The following RABL3 variants were observed in gnomAD, a reference collection of about 807,000 sequenced individuals.
RABL3 encodes RAB, member of RAS oncogene family like 3.
In RABL3, 31 loss-of-function variants were observed where a neutral mutation model predicts 31.8. The observed-to-expected ratio is 0.97, with a 90% CI of 0.73 to 1.31. The LOEUF (loss-of-function observed/expected upper bound fraction) is 1.31. Ranked by LOEUF, RABL3 falls within the 40% of genes most tolerant of loss-of-function variation. The pLI is 0.00. For synonymous variants in RABL3, 97 were observed against 99.9 expected, an observed-to-expected ratio of 0.97 and a Z score of 0.18; for missense variants, 263 against 279.6, an observed-to-expected ratio of 0.94 and a Z score of 0.42.
intron 3 of RABL3, 99 bp downstream of exon 3, chr3:120,709,681 T>C (rs992206031): frequency 1.1e-6 from 1 of 892,186 alleles, no homozygotes; most frequent in African/African-American, 1.7e-5. Context: ...ATTATATCTT[T>C]CTCAAATTAA....
At chr3:120,736,916 C>T (rs1441712717) in intron 1 of RABL3, among the ~76,000 whole-genome samples, 2 of 152,140 alleles carry the variant, frequency 1.3e-5, no homozygotes, top group East Asian at 1.9e-4. Flanking sequence ...ATGGGCTTCC[C>T]TTTGTGGGTA....
intron 2 of RABL3, among the ~76,000 whole-genome samples, chr3:120,720,771 A>G (rs1308781562): frequency 6.6e-6 from 1 of 152,274 alleles, no homozygotes; most frequent in Non-Finnish European, 1.5e-5. Flanking sequence ...GCAGGATATT[A>G]TCTAGGAGAA....
intron 2 of RABL3, among the ~76,000 whole-genome samples, chr3:120,719,964 C>A (rs1279046004): frequency 1.3e-5 from 2 of 152,178 alleles, no homozygotes; most frequent in Non-Finnish European, 2.9e-5. Context: ...CCTCACACGG[C>A]CAGGTACTCC....
intron 1 of RABL3, among the ~76,000 whole-genome samples, chr3:120,733,961 G>A (rs1391632845): frequency 6.6e-6 from 1 of 152,204 alleles, no homozygotes; most frequent in Admixed American, 6.5e-5. Flanking sequence ...CAGCCTTGTA[G>A]TGTAGTTTGA....
At chr3:120,731,994 G>A (rs1398175386) in intron 1 of RABL3, among the ~76,000 whole-genome samples, 9 of 152,168 alleles carry the variant, frequency 5.9e-5, no homozygotes, top group Non-Finnish European at 1.3e-4. Flanking sequence ...AGGAGTTGGA[G>A]GCTGCAGTGA....
At chr3:120,701,707 A>G (rs886970700) in intron 4 of RABL3, among the ~76,000 whole-genome samples, 1 of 152,176 alleles carries the variant, frequency 6.6e-6, no homozygotes, top group Non-Finnish European at 1.5e-5. Context: ...ACATATATAT[A>G]CTCAAACTTA....
intron 1 of RABL3, among the ~76,000 whole-genome samples, chr3:120,731,714 TTTA>T (rs1412776206): frequency 6.6e-6 from 1 of 152,158 alleles, no homozygotes; most frequent in Non-Finnish European, 1.5e-5. Flanking sequence ...GAACCTATTG[TTTA>T]TTTTTTATTA....
intron 2 of RABL3, among the ~76,000 whole-genome samples, chr3:120,729,966 A>T (rs1296783300): frequency 6.6e-6 from 1 of 151,572 alleles, no homozygotes; most frequent in Non-Finnish European, 1.5e-5. Flanking sequence ...ATCAAAGATT[A>T]AAAAAAAACA....
chr3:120,692,487 C>T (rs922995729), intron 6 of RABL3, among the ~76,000 whole-genome samples: 2 of 152,132 alleles, frequency 1.3e-5, no homozygotes, highest in African/African-American at 2.4e-5. Flanking sequence ...CGTGAGGCAC[C>T]GTGCCCGGCT....
intron 1 of RABL3, among the ~76,000 whole-genome samples, chr3:120,731,369 T>C (rs1487512047): frequency 2.0e-5 from 3 of 152,100 alleles, no homozygotes; most frequent in Non-Finnish European, 2.9e-5. Flanking sequence ...TTGTCCCACA[T>C]AGTGATTTAA....
intron 2 of RABL3, among the ~76,000 whole-genome samples, chr3:120,717,795 T>G (rs918318071): frequency 5.9e-5 from 9 of 152,184 alleles, no homozygotes; most frequent in African/African-American, 1.9e-4. Context: ...TAAACGGAAT[T>G]ACTGCTATTA....
chr3:120,738,201 A>G (rs776351455), intron 1 of RABL3, among the ~76,000 whole-genome samples: 5 of 152,186 alleles, frequency 3.3e-5, no homozygotes, highest in Non-Finnish European at 5.9e-5. Context: ...AAGCTTCATC[A>G]ATGGCGGGCG....
chr3:120,728,791 CAGAG>C (rs747782201), intron 2 of RABL3, among the ~76,000 whole-genome samples: 1 of 151,740 alleles, frequency 6.6e-6, no homozygotes, highest in East Asian at 1.9e-4. Flanking sequence ...TATTTTGAGA[CAGAG>C]AGAAAGAGTA....
intron 1 of RABL3, among the ~76,000 whole-genome samples, chr3:120,740,371 C>T (rs1709026269): frequency 6.6e-6 from 1 of 152,190 alleles, no homozygotes; most frequent in Admixed American, 6.5e-5. Flanking sequence ...AAGTGATCTT[C>T]TCACCTCAGC....
At chr3:120,693,383 A>G (rs756051513) in intron 6 of RABL3, among the ~76,000 whole-genome samples, 5 of 152,228 alleles carry the variant, frequency 3.3e-5, no homozygotes, top group East Asian at 1.9e-4. Flanking sequence ...TGATTGATAA[A>G]GAAGAGCTAT....
rs1394587212 is a variant in RABL3, at chr3:120,687,178, A to G, written c.*2645T>C. On this transcript the variant is annotated 3_prime_UTR_variant, in exon 8 of 8. Coordinates refer to ENST00000273375, the MANE Select transcript of RABL3 (RefSeq NM_173825.5). ...GAGGAGTAGTCATATATATGCCTTC[A>G]TATCTGGTCACCTTCACAATGAGTC... 2.6e-5 allele frequency: 4 copies of G among 152,334 alleles called. No homozygotes were observed. Among genetic ancestry groups the G allele is most frequent in the East Asian group, 3.9e-4 (2 of 5,190 alleles). The allele number at this position is 152,334 out of a possible 1,614,324, so 9.4% of individuals were successfully genotyped here. A position where few individuals can be genotyped will look rare whatever the true frequency, so the allele number is the denominator to read the frequency against.
chr3:120,694,165 C>T lies in RABL3; in HGVS notation c.594G>A (p.Arg198=), dbSNP rs1163790162. Residue 198 remains arginine (R), a synonymous_variant, in exon 6 of 8, where the codon AGG becomes AGA. Transcript: ENST00000273375. ...TTGAAACCATTACCTTATCAAAAAA[C>T]CTACTGAGCTTGACAGCATTGGAAG... ...AGSSNAVKLS[R]FFDKVIEKRY... The T allele has an allele frequency of 1.2e-6, 2 of 1,604,768 alleles. No individual in the cohort carries two copies. The highest frequency in any genetic ancestry group is 1.7e-6 in the Non-Finnish European group (2 of 1,172,906).
intron 2 of RABL3, among the ~76,000 whole-genome samples, chr3:120,720,061 AC>A (rs1262319851): frequency 1.3e-5 from 2 of 152,212 alleles, no homozygotes; most frequent in Non-Finnish European, 2.9e-5. Flanking sequence ...CGCTGGTGAT[AC>A]CCAGGCAAAC....
upstream of RABL3, chr3:120,742,538 G>C: frequency 1.2e-6 from 2 of 1,612,768 alleles, no homozygotes; most frequent in Non-Finnish European, 1.7e-6. Context: ...GTTAACGCCT[G>C]TTCCTGGATT....
Sources: gnomAD v4.1 joint callset for allele counts (sites outside exome capture counted in the v4.1 genomes callset) on GRCh38, gnomAD v4.1.1 for gene constraint, MANE v1.5 for transcripts, NCBI Gene and HGNC (gene_info 2026-07-23, HGNC 2026-07-21) for gene names.